GRM8: variants seen among roughly 807,000 people sequenced by gnomAD.
The protein encoded by GRM8 is metabotropic glutamate receptor 8.
A neutral mutation model predicts 87.2 loss-of-function variants in GRM8; 47 were observed. That is an observed-to-expected ratio of 0.54 (90% CI 0.43 to 0.69). The LOEUF (loss-of-function observed/expected upper bound fraction) is 0.69, where lower values mean the gene tolerates loss of function less well. Ranked by LOEUF, GRM8 falls within the 30% of genes least tolerant of loss-of-function variation. The pLI is 0.00. For missense variants in GRM8, 1,019 were observed against 1,139.2 expected, an observed-to-expected ratio of 0.89 and a Z score of 1.52; for synonymous variants, 396 against 404.5, an observed-to-expected ratio of 0.98 and a Z score of 0.25.
chr7:127,128,378 A>G (rs952434214), intron 2 of GRM8, among the ~76,000 whole-genome samples: 4 of 152,066 alleles, frequency 2.6e-5, no homozygotes, highest in African/African-American at 9.7e-5. Flanking sequence ...GAGTTACTGG[A>G]AGGTTAAGTC....
intron 7 of GRM8, among the ~76,000 whole-genome samples, chr7:126,664,619 A>T (rs4731320): frequency 0.29 from 44,235 of 152,012 alleles, 6,788 homozygotes; most frequent in East Asian, 0.36. Flanking sequence ...TACAACAAAT[A>T]ATTGAAGATA....
intron 9 of GRM8, among the ~76,000 whole-genome samples, chr7:126,473,308 C>G (rs1385621216): frequency 6.6e-6 from 1 of 152,202 alleles, no homozygotes; most frequent in African/African-American, 2.4e-5. Flanking sequence ...GAACCCACCT[C>G]TTGCATCAGC....
chr7:127,120,546 G>T (rs1827023520), intron 2 of GRM8, among the ~76,000 whole-genome samples: 1 of 152,128 alleles, frequency 6.6e-6, no homozygotes, highest in Non-Finnish European at 1.5e-5. Flanking sequence ...AGATCTCCAG[G>T]TGATTCGTGT....
At chr7:127,104,719 T>C (rs998806189) in intron 3 of GRM8, among the ~76,000 whole-genome samples, 1 of 152,196 alleles carries the variant, frequency 6.6e-6, no homozygotes, top group Non-Finnish European at 1.5e-5. Flanking sequence ...AAAATTATTT[T>C]CTCCCATGCT....
chr7:127,250,995 C>A (rs765926482), intron 1 of GRM8: 13 of 152,348 alleles, frequency 8.5e-5, no homozygotes, highest in Non-Finnish European at 1.5e-4. Flanking sequence ...TGTATTCAAT[C>A]GCGGTAGTAG....
At chr7:126,594,905 G>A (rs1187501388) in intron 8 of GRM8, among the ~76,000 whole-genome samples, 1 of 152,176 alleles carries the variant, frequency 6.6e-6, no homozygotes, top group African/African-American at 2.4e-5. Context: ...CTACCCTGCT[G>A]TTCTCTAAAT....
intron 2 of GRM8, among the ~76,000 whole-genome samples, chr7:127,178,452 C>A: frequency 6.7e-6 from 1 of 149,190 alleles, no homozygotes; most frequent in Admixed American, 6.7e-5. Context: ...AGGAAAATTT[C>A]CTTGGCCTTG....
intron 6 of GRM8, among the ~76,000 whole-genome samples, chr7:126,815,161 T>C (rs972998428): frequency 2.0e-5 from 3 of 152,092 alleles, no homozygotes; most frequent in African/African-American, 7.2e-5. Context: ...AATAATTCTT[T>C]TTGTCCATGG....
At chr7:126,820,624 G>C (rs887600889) in intron 6 of GRM8, among the ~76,000 whole-genome samples, 2 of 152,176 alleles carry the variant, frequency 1.3e-5, no homozygotes, top group Non-Finnish European at 2.9e-5. Context: ...ACCACGGATA[G>C]GTGTGGTCTT....
intron 2 of GRM8, among the ~76,000 whole-genome samples, chr7:127,212,479 G>A (rs1796275943): frequency 6.9e-6 from 1 of 144,656 alleles, no homozygotes; most frequent in Non-Finnish European, 1.5e-5. Flanking sequence ...GTGCAGTGGC[G>A]GGATCTCGGC....
In GRM8 at chr7:126,493,388, C is replaced by T. The variant is rs13237565; in HGVS notation, c.2430+39564G>A. Among the ~76,000 whole-genome samples, 607 of 152,056 alleles carry T rather than the reference C, an allele frequency of 4.0e-3. 2 individuals carry two copies. Among genetic ancestry groups the T allele is most frequent in the Non-Finnish European group, 4.4e-3 (301 of 67,922 alleles). On this transcript the variant is annotated intron_variant, in intron 9 of 10. Transcript: ENST00000339582. ...GAGGACAGTGACCATGAGGCTTAGG[C>T]GGTTCTGGCTCGAAGAAATTGAGTG...
chr7:126,546,598 AG>A (rs1359614388), intron 8 of GRM8, among the ~76,000 whole-genome samples: 1 of 152,224 alleles, frequency 6.6e-6, no homozygotes, highest in East Asian at 1.9e-4. Flanking sequence ...TAGAAAAGAA[AG>A]GGTAAGTTTA....
intron 8 of GRM8, among the ~76,000 whole-genome samples, chr7:126,601,744 C>T (rs1303860089): frequency 2.0e-5 from 3 of 147,986 alleles, no homozygotes; most frequent in African/African-American, 5.0e-5. Context: ...TGAGAAGTGT[C>T]TGTTCATGTC....
chr7:126,546,383 A>G (rs1221336232), intron 8 of GRM8, among the ~76,000 whole-genome samples: 1 of 152,184 alleles, frequency 6.6e-6, no homozygotes, highest in Non-Finnish European at 1.5e-5. Flanking sequence ...CATGACCAAT[A>G]ATAGGTAGCC....
At chr7:126,775,816 G>C (rs1271549915) in intron 6 of GRM8, among the ~76,000 whole-genome samples, 1 of 152,018 alleles carries the variant, frequency 6.6e-6, no homozygotes, top group Admixed American at 6.6e-5. Flanking sequence ...CACTAATCCT[G>C]GGCCTTCAGC....
chr7:127,175,755 A>C (rs2116363530), intron 2 of GRM8, among the ~76,000 whole-genome samples: 1 of 152,320 alleles, frequency 6.6e-6, no homozygotes, highest in South Asian at 2.1e-4. Flanking sequence ...GTTCTTCAAA[A>C]GTAAAAGAGA....
At chr7:126,558,264 C>CT (rs948877763) in intron 8 of GRM8, among the ~76,000 whole-genome samples, 1 of 152,104 alleles carries the variant, frequency 6.6e-6, no homozygotes, top group Non-Finnish European at 1.5e-5. Flanking sequence ...GTTCAGAGTT[C>CT]TTTTTATGTA....
chr7:127,230,165 G>C (rs190430214), intron 2 of GRM8, among the ~76,000 whole-genome samples: 1 of 152,204 alleles, frequency 6.6e-6, no homozygotes, highest in African/African-American at 2.4e-5. Flanking sequence ...CTGATTAAGA[G>C]GGTACAGCAT....
intron 7 of GRM8, among the ~76,000 whole-genome samples, chr7:126,611,259 G>A (rs528754310): frequency 2.0e-5 from 3 of 152,246 alleles, no homozygotes; most frequent in South Asian, 2.1e-4. Context: ...TAGTGACCTC[G>A]AGCAGGTTAA....
Sources: allele counts gnomAD v4.1 joint callset (sites outside exome capture counted in the v4.1 genomes callset), GRCh38; gene constraint gnomAD v4.1.1; transcripts MANE v1.5; gene names NCBI Gene and HGNC (gene_info 2026-07-23, HGNC 2026-07-21).